CHRM3: variants seen among roughly 807,000 people sequenced by gnomAD.
The protein encoded by CHRM3 is muscarinic acetylcholine receptor M3.
Under a neutral mutation model 41.8 loss-of-function variants are expected in CHRM3, and 11 were observed. That is an observed-to-expected ratio of 0.26 (90% CI 0.17 to 0.44). CHRM3 has a LOEUF of 0.44. CHRM3 is among the 20% of genes least tolerant of loss of function. The probability of loss-of-function intolerance (pLI) is 1.00; values close to 1 mark genes in which losing one functional copy is unlikely to be tolerated. For missense variants in CHRM3, 571 were observed against 745.4 expected, an observed-to-expected ratio of 0.77 and a Z score of 2.72; for synonymous variants, 297 against 301.4, an observed-to-expected ratio of 0.99 and a Z score of 0.15.
At chr1:239,650,991 T>C (rs1329068474) in intron 4 of CHRM3, among the ~76,000 whole-genome samples, 1 of 152,218 alleles carries the variant, frequency 6.6e-6, no homozygotes, top group Non-Finnish European at 1.5e-5. Flanking sequence ...CATATATGCA[T>C]AATATCATGT....
At chr1:239,616,374 A>G (rs561379396) in intron 3 of CHRM3, among the ~76,000 whole-genome samples, 54 of 152,194 alleles carry the variant, frequency 3.5e-4, no homozygotes, top group Non-Finnish European at 6.5e-4. Context: ...CTTTGCAAAC[A>G]TATTTTTAAT....
intron 5 of CHRM3, among the ~76,000 whole-genome samples, chr1:239,817,703 C>G (rs7413831): frequency 0.19 from 29,244 of 151,896 alleles, 2,840 homozygotes; most frequent in South Asian, 0.22. Flanking sequence ...CCTCTACACA[C>G]ACACACACTC....
intron 6 of CHRM3, among the ~76,000 whole-genome samples, chr1:239,861,900 G>T (rs556240439): frequency 5.2e-4 from 79 of 152,176 alleles, no homozygotes; most frequent in African/African-American, 1.8e-3. Context: ...GGTTTTTGAA[G>T]AGATAAACAA....
chr1:239,704,310 A>G (rs1660945458), intron 5 of CHRM3: 1 of 152,168 alleles, frequency 6.6e-6, no homozygotes, highest in South Asian at 2.1e-4. Context: ...GACCTTGGAC[A>G]TGATATGTGT....
chr1:239,648,565 G>A (rs1298352857), intron 4 of CHRM3, among the ~76,000 whole-genome samples: 1 of 152,130 alleles, frequency 6.6e-6, no homozygotes, highest in Non-Finnish European at 1.5e-5. Context: ...ATGTGTGTCT[G>A]GGTAGTGGAT....
chr1:239,683,570 A>T (rs1276365413), intron 5 of CHRM3, among the ~76,000 whole-genome samples: 1 of 152,086 alleles, frequency 6.6e-6, no homozygotes, highest in Non-Finnish European at 1.5e-5. Flanking sequence ...TATTAAGGAG[A>T]TGTGCTAGGT....
intron 3 of CHRM3, among the ~76,000 whole-genome samples, chr1:239,549,659 T>TAA (rs542326965): frequency 1.3e-3 from 153 of 119,778 alleles, no homozygotes; most frequent in Non-Finnish European, 2.0e-3. Flanking sequence ...AGACTCCATC[T>TAA]AAAAAAAAAA....
intron 1 of CHRM3, among the ~76,000 whole-genome samples, chr1:239,393,483 C>T (rs1409288031): frequency 6.6e-6 from 1 of 152,160 alleles, no homozygotes; most frequent in African/African-American, 2.4e-5. Context: ...ACACATGCCA[C>T]ATGCAGTAGC....
At chr1:239,609,690 T>A (rs1666767510) in intron 3 of CHRM3, among the ~76,000 whole-genome samples, 1 of 152,190 alleles carries the variant, frequency 6.6e-6, no homozygotes, top group Non-Finnish European at 1.5e-5. Context: ...GTCATTTTAG[T>A]GGATGTCTAG....
intron 6 of CHRM3, among the ~76,000 whole-genome samples, chr1:239,859,428 T>TTG (rs1558185639): frequency 8.2e-4 from 121 of 147,664 alleles, no homozygotes; most frequent in African/African-American, 2.8e-3. Context: ...TGTTTTTTTT[T>TTG]TTTGTTTTTT....
At chr1:239,564,392 A>C (rs1661160676) in intron 3 of CHRM3, among the ~76,000 whole-genome samples, 1 of 152,194 alleles carries the variant, frequency 6.6e-6, no homozygotes, top group South Asian at 2.1e-4. Flanking sequence ...GCAATTTAAA[A>C]TTATATCTAG....
At chr1:239,865,343 C>T (rs1465175305) in intron 6 of CHRM3, among the ~76,000 whole-genome samples, 2 of 152,206 alleles carry the variant, frequency 1.3e-5, no homozygotes, top group Non-Finnish European at 2.9e-5. Flanking sequence ...GTCTGTGGGG[C>T]ATCCAGGGTA....
intron 1 of CHRM3, among the ~76,000 whole-genome samples, chr1:239,421,941 C>A (rs1237498623): frequency 6.6e-6 from 1 of 151,964 alleles, no homozygotes; most frequent in African/African-American, 2.4e-5. Context: ...GTAGAATGTG[C>A]AAAATTCAAT....
At chr1:239,469,339 C>G (rs1338343511) in intron 1 of CHRM3, among the ~76,000 whole-genome samples, 1 of 152,184 alleles carries the variant, frequency 6.6e-6, no homozygotes, top group East Asian at 1.9e-4. Context: ...AAATGTTTCT[C>G]TGTGCTGGTT....
intron 4 of CHRM3, among the ~76,000 whole-genome samples, chr1:239,639,210 TTTG>T (rs1352242641): frequency 6.6e-6 from 1 of 152,310 alleles, no homozygotes; most frequent in African/African-American, 2.4e-5. Context: ...TGCCTCCAGC[TTTG>T]TTCTTTTGGC....
intron 5 of CHRM3, among the ~76,000 whole-genome samples, chr1:239,705,964 GA>G (rs1433798423): frequency 2.6e-5 from 4 of 151,630 alleles, no homozygotes; most frequent in Non-Finnish European, 4.4e-5. Context: ...AAATAAAAGA[GA>G]AGTAAGAATT....
intron 6 of CHRM3, among the ~76,000 whole-genome samples, chr1:239,874,285 GTA>G (rs758413973): frequency 0.013 from 1,056 of 83,108 alleles, 32 homozygotes; most frequent in African/African-American, 0.049. Context: ...TATATACACA[GTA>G]TATATATATA....
chr1:239,450,694 C>T (rs1664496073), intron 1 of CHRM3, among the ~76,000 whole-genome samples: 1 of 152,166 alleles, frequency 6.6e-6, no homozygotes, highest in Non-Finnish European at 1.5e-5. Context: ...AATATATTGC[C>T]AAATGGGCCC....
At chr1:239,388,236 G>C (rs1303374269) in intron 1 of CHRM3, among the ~76,000 whole-genome samples, 1 of 152,112 alleles carries the variant, frequency 6.6e-6, no homozygotes, top group African/African-American at 2.4e-5. Flanking sequence ...CTCGATCCCC[G>C]CCAGTGTCCG....
Sources: allele counts gnomAD v4.1 joint callset (sites outside exome capture counted in the v4.1 genomes callset), GRCh38; gene constraint gnomAD v4.1.1; transcripts MANE v1.5; gene names NCBI Gene and HGNC (gene_info 2026-07-23, HGNC 2026-07-21).